The following GALNT16 variants were observed in gnomAD, a reference collection of about 807,000 sequenced individuals.
GALNT16 encodes the protein polypeptide N-acetylgalactosaminyltransferase 16, also known as UDP-GalNAc:polypeptide N-acetylgalactosaminyltransferase-like protein 1.
In GALNT16, 40 loss-of-function variants were observed where a neutral mutation model predicts 76.1. The ratio of observed to expected loss-of-function variants is 0.53; its 90% confidence interval spans 0.41 to 0.68. The LOEUF (loss-of-function observed/expected upper bound fraction) is 0.68. GALNT16 is among the 30% of genes least tolerant of loss of function. The pLI, the probability that GALNT16 is intolerant of heterozygous loss-of-function variation, is 0.00. For synonymous variants in GALNT16, 276 were observed against 285.2 expected (o/e 0.97, Z 0.32); for missense variants, 621 against 731.9 (o/e 0.85, Z 1.75).
At chr14:69,285,950 C>T (rs184713447) in intron 1 of GALNT16, among the ~76,000 whole-genome samples, 3 of 152,320 alleles carry the variant, frequency 2.0e-5, no homozygotes, top group African/African-American at 7.2e-5. Flanking sequence ...TCTGACTCCC[C>T]CACCCGCCCC....
chr14:69,383,864 G>A, the GALNT16 span, among the ~76,000 whole-genome samples: 1 of 152,126 alleles, frequency 6.6e-6, no homozygotes. Context: ...AAAGTCTAAT[G>A]CAGCCGGGCA....
chr14:69,348,035 G>A lies in GALNT16; in HGVS notation c.1539+33G>A, dbSNP rs745857880. 1.3e-5 allele frequency: 21 copies of A among 1,611,292 alleles called. No individual in the cohort carries two copies. The African/African-American group carries it at 2.4e-4, about 18-fold the overall frequency. On this transcript the variant is annotated intron_variant, in intron 14 of 14. Coordinates refer to ENST00000448469, the MANE Select transcript of GALNT16 (RefSeq NM_001168368.2). ...TCCTTGCCTCTGGCCCAGAGGCCCA[G>A]CAGCCCGAGGGGCCATGCCTCAGGG...
chr14:69,374,339 A>C, the GALNT16 span, among the ~76,000 whole-genome samples: 1 of 152,206 alleles, frequency 6.6e-6, no homozygotes, highest in Admixed American at 6.5e-5. Flanking sequence ...CATGTACTAA[A>C]GTTTATGCTC....
the GALNT16 span, among the ~76,000 whole-genome samples, chr14:69,368,381 G>A: frequency 1.3e-5 from 2 of 152,156 alleles, no homozygotes; most frequent in Non-Finnish European, 2.9e-5. Flanking sequence ...AGTGTGTCAA[G>A]CCAGGGCTGC....
At chr14:69,275,667 G>A (rs1197471141) in intron 1 of GALNT16, among the ~76,000 whole-genome samples, 1 of 152,160 alleles carries the variant, frequency 6.6e-6, no homozygotes, top group Non-Finnish European at 1.5e-5. Context: ...GACCAGCTTG[G>A]GTAACATAGT....
chr14:69,320,496 GAAAAAAAAAAGAAAAAAAGAA>G (rs1023698293), intron 1 of GALNT16, among the ~76,000 whole-genome samples, 194 bp from the exon 2 acceptor site: 3 of 134,888 alleles, frequency 2.2e-5, no homozygotes, highest in Non-Finnish European at 4.8e-5. Context: ...TCAAAAAAAA[GAAAAAAAAAAGAAAAAAAGAA>G]AAAAAAAGAA....
chr14:69,300,895 C>T (rs1225654756), intron 1 of GALNT16, among the ~76,000 whole-genome samples: 1 of 152,184 alleles, frequency 6.6e-6, no homozygotes, highest in African/African-American at 2.4e-5. Context: ...TCTTCCTGTC[C>T]GTGGAGCCCT....
chr14:69,367,386 T>A, the GALNT16 span, among the ~76,000 whole-genome samples: 2 of 151,846 alleles, frequency 1.3e-5, no homozygotes, highest in African/African-American at 4.8e-5. Flanking sequence ...AATACCCTTA[T>A]AAAAGACACC....
chr14:69,302,273 A>G (rs1420310370), intron 1 of GALNT16, among the ~76,000 whole-genome samples: 1 of 152,168 alleles, frequency 6.6e-6, no homozygotes, highest in Non-Finnish European at 1.5e-5. Context: ...ATCTTCTGGA[A>G]ATCTTCCAAA....
chr14:69,319,902 T>C (rs1479901840), intron 1 of GALNT16, among the ~76,000 whole-genome samples: 2 of 152,376 alleles, frequency 1.3e-5, no homozygotes, highest in East Asian at 3.9e-4. Context: ...TAGTTCTTTA[T>C]GCAGCAGATT....
intron 1 of GALNT16, among the ~76,000 whole-genome samples, chr14:69,274,241 A>T (rs937929423): frequency 1.3e-5 from 2 of 152,256 alleles, no homozygotes; most frequent in Non-Finnish European, 2.9e-5. Context: ...CTATACAAGC[A>T]TTAGTATACA....
chr14:69,291,285 C>A (rs1320333680), intron 1 of GALNT16, among the ~76,000 whole-genome samples: 1 of 152,060 alleles, frequency 6.6e-6, no homozygotes, highest in Non-Finnish European at 1.5e-5. Context: ...CAGAATGAAA[C>A]CCTGTCTCAA....
intron 1 of GALNT16, among the ~76,000 whole-genome samples, chr14:69,295,184 C>T (rs1003489842): frequency 2.6e-5 from 4 of 152,092 alleles, no homozygotes; most frequent in African/African-American, 9.6e-5. Flanking sequence ...GAGGCTGAGG[C>T]GGGTGGATTG....
At chr14:69,362,382 T>C in the GALNT16 span, among the ~76,000 whole-genome samples, 2 of 152,238 alleles carry the variant, frequency 1.3e-5, no homozygotes, top group Non-Finnish European at 2.9e-5. Flanking sequence ...CCAGGGTGCT[T>C]TGTGGAGCCC....
At chr14:69,345,001 T>C (rs2045543152) in intron 12 of GALNT16, among the ~76,000 whole-genome samples, 1 of 151,938 alleles carries the variant, frequency 6.6e-6, no homozygotes, top group Non-Finnish European at 1.5e-5. Context: ...GATGAGACAA[T>C]AGAGAGTTGT....
At chr14:69,296,732 A>AGAT (rs553412908) in intron 1 of GALNT16, among the ~76,000 whole-genome samples, 1 of 75,132 alleles carries the variant, frequency 1.3e-5, no homozygotes, top group African/African-American at 7.3e-5. Flanking sequence ...GATAGATGAT[A>AGAT]GATAGATAGA....
At chr14:69,262,691 C>T (rs2044291572) in intron 1 of GALNT16, among the ~76,000 whole-genome samples, 2 of 152,018 alleles carry the variant, frequency 1.3e-5, no homozygotes, top group African/African-American at 4.8e-5. Context: ...GCTTTAGATG[C>T]CTGTTCCACC....
intron 13 of GALNT16, among the ~76,000 whole-genome samples, chr14:69,347,668 C>A (rs576536299): frequency 1.3e-5 from 2 of 152,226 alleles, no homozygotes; most frequent in South Asian, 4.1e-4. Flanking sequence ...TAAGCTCCCC[C>A]ACCCCAGCAT....
chr14:69,351,395 A>G (rs991246828), intron 14 of GALNT16: 4 of 152,248 alleles, frequency 2.6e-5, no homozygotes, highest in African/African-American at 9.6e-5. Flanking sequence ...ACTGGGTCCA[A>G]TAACTACATA....
Sources: gnomAD v4.1 joint callset for allele counts (sites outside exome capture counted in the v4.1 genomes callset) on GRCh38, gnomAD v4.1.1 for gene constraint, MANE v1.5 for transcripts, NCBI Gene and HGNC (gene_info 2026-07-23, HGNC 2026-07-21) for gene names.